MOB1B: variants seen among roughly 807,000 people sequenced by gnomAD.
MOB1B encodes MOB1 Mps One Binder homolog B.
A neutral mutation model predicts 24.4 loss-of-function variants in MOB1B; 19 were observed. That is an observed-to-expected ratio of 0.78 (90% CI 0.54 to 1.14). MOB1B has a LOEUF of 1.14. Ranked by LOEUF, MOB1B falls within the 50% of genes most tolerant of loss-of-function variation. MOB1B has a pLI of 0.00. For missense variants in MOB1B, 243 were observed against 259.6 expected, an observed-to-expected ratio of 0.94 and a Z score of 0.44; for synonymous variants, 76 against 82.1, an observed-to-expected ratio of 0.93 and a Z score of 0.40.
chr4:70,902,517 C>CA lies in MOB1B; in HGVS notation c.-19dup, dbSNP rs1735551943. ...CGAGGCCTCGCGACCGCCGAGCCTG[C>CA]AGCCTGCCCCGCGGCCAACATGAGC... On this transcript the variant is annotated 5_prime_UTR_variant, in exon 1 of 6. Transcript: ENST00000309395. The CA allele has an allele frequency of 2.6e-6, 4 of 1,562,294 alleles. No homozygotes were observed. The highest frequency in any genetic ancestry group is 3.8e-5 in the Admixed American group (2 of 52,822).
Position 70,902,508 on chromosome 4 carries a change from C to T in MOB1B, c.-29C>T. 1 of 1,559,362 alleles carries T rather than the reference C, an allele frequency of 6.4e-7. No individual in the cohort carries two copies. Among genetic ancestry groups the T allele is most frequent in the East Asian group, 2.4e-5 (1 of 41,772 alleles). ...ACGCCGCTCCGAGGCCTCGCGACCG[C>T]CGAGCCTGCAGCCTGCCCCGCGGCC... On this transcript the variant is annotated 5_prime_UTR_variant, in exon 1 of 6. Transcript: ENST00000309395.
intron 1 of MOB1B, among the ~76,000 whole-genome samples, chr4:70,940,030 C>T (rs1355134279): frequency 6.6e-6 from 1 of 152,204 alleles, no homozygotes; most frequent in Non-Finnish European, 1.5e-5. Flanking sequence ...CTGCCCAGTG[C>T]CAGCATCTGT....
At chr4:70,923,273 G>T (rs1422364153) in intron 1 of MOB1B, among the ~76,000 whole-genome samples, 1 of 152,134 alleles carries the variant, frequency 6.6e-6, no homozygotes, top group Non-Finnish European at 1.5e-5. Context: ...ATCCTCTTTG[G>T]GGAGGCTGAG....
chr4:70,928,966 A>G (rs78563176), intron 1 of MOB1B, among the ~76,000 whole-genome samples: 1,650 of 152,106 alleles, frequency 0.011, 29 homozygotes, highest in African/African-American at 0.038. Flanking sequence ...CAAGTTTCCT[A>G]TTTTCCAATG....
intron 1 of MOB1B, among the ~76,000 whole-genome samples, chr4:70,951,421 C>T (rs1737799923): frequency 6.6e-6 from 1 of 152,216 alleles, no homozygotes; most frequent in Non-Finnish European, 1.5e-5. Context: ...ATCTCTAGGA[C>T]TGAGTTGTTT....
rs76467417 is a variant in MOB1B at position 70,917,501 on chromosome 4, T to C, written c.14+14951T>C. Among the ~76,000 whole-genome samples the C allele has an allele frequency of 9.5e-3, 1,450 of 152,280 alleles. 14 individuals are homozygous for C. The highest frequency in any genetic ancestry group is 0.037 in the Middle Eastern group (11 of 294). On this transcript the variant is annotated intron_variant, in intron 1 of 5. Coordinates refer to ENST00000309395, the MANE Select transcript of MOB1B (RefSeq NM_173468.4). ...CTCAAGGATTCAAATGGGTGCACAG[T>C]TCCAAAAGTATGGAGAGAGCCCTCT... is the stretch of plus-strand genomic sequence containing the variant.
Position 70,976,212 on chromosome 4 carries a change from TA to T in MOB1B, c.409+927del, listed in dbSNP as rs536985267. ...TTTTAAATGATGAGATCAGTATATC[TA>T]GGATAGTAACAAAATCTGGCCCAAA... On this transcript the variant is annotated intron_variant, in intron 4 of 5. Transcript: ENST00000309395. 59 of 984,904 alleles carry T rather than the reference TA, an allele frequency of 6.0e-5. No homozygotes were observed. The East Asian group carries it at 6.4e-3, about 106-fold the overall frequency. The allele number at this position is 984,904 out of a possible 1,614,324, so 61.0% of individuals were successfully genotyped here. A position where few individuals can be genotyped will look rare whatever the true frequency, so the allele number is the denominator to read the frequency against.
intron 1 of MOB1B, among the ~76,000 whole-genome samples, chr4:70,939,259 C>A (rs1216484275): frequency 6.6e-6 from 1 of 152,120 alleles, no homozygotes; most frequent in Non-Finnish European, 1.5e-5. Context: ...CCACTTCCTA[C>A]TCAAAGTCAC....
chr4:70,902,633 C>A (rs909831617), intron 1 of MOB1B, 83 bp downstream of exon 1: 2 of 1,342,180 alleles, frequency 1.5e-6, no homozygotes, highest in African/African-American at 3.2e-5. Context: ...GTCGCCCGCC[C>A]TCGTCCCGAC....
chr4:70,967,420 C>T (rs1272110445), intron 2 of MOB1B, among the ~76,000 whole-genome samples: 6 of 152,052 alleles, frequency 3.9e-5, no homozygotes, highest in Admixed American at 3.3e-4. Flanking sequence ...AGGCGTGAGC[C>T]ACCGCACCCA....
chr4:70,957,434 CTTT>C (rs750809076), intron 1 of MOB1B, among the ~76,000 whole-genome samples: 4 of 141,858 alleles, frequency 2.8e-5, no homozygotes, highest in Non-Finnish European at 4.6e-5. Context: ...CTCTCTCTCT[CTTT>C]TTTTTTTTTT....
chr4:70,934,455 AT>A (rs897057249), intron 1 of MOB1B, among the ~76,000 whole-genome samples: 4 of 141,188 alleles, frequency 2.8e-5, no homozygotes, highest in Admixed American at 7.2e-5. Context: ...CTGGAATATA[AT>A]TTTTTTTTTC....
At chr4:70,923,147 C>G (rs1736503370) in intron 1 of MOB1B, among the ~76,000 whole-genome samples, 1 of 152,142 alleles carries the variant, frequency 6.6e-6, no homozygotes, top group Admixed American at 6.5e-5. Context: ...ATCCCATTTT[C>G]CCATTAAACA....
chr4:70,927,302 G>T (rs533984067), intron 1 of MOB1B, among the ~76,000 whole-genome samples: 1 of 152,294 alleles, frequency 6.6e-6, no homozygotes, highest in East Asian at 1.9e-4. Context: ...ACTTTGGGAG[G>T]CTAAGGTGGG....
intron 3 of MOB1B, among the ~76,000 whole-genome samples, chr4:70,973,469 C>CAAAAAAAAAAAAAAAAAAAAAAAAAAAAA (rs528813623): frequency 2.0e-5 from 1 of 49,424 alleles, no homozygotes. Flanking sequence ...GACCCTGTCT[C>CAAAAAAAAAAAAAAAAAAAAAAAAAAAAA]AAAAAAAAAA....
chr4:70,931,763 A>G (rs142538966), intron 1 of MOB1B, among the ~76,000 whole-genome samples: 1 of 152,162 alleles, frequency 6.6e-6, no homozygotes, highest in Non-Finnish European at 1.5e-5. Context: ...CAGAGACAGG[A>G]TGTCACTCTG....
chr4:70,929,899 C>T (rs1222484580), intron 1 of MOB1B, among the ~76,000 whole-genome samples: 1 of 152,072 alleles, frequency 6.6e-6, no homozygotes, highest in African/African-American at 2.4e-5. Flanking sequence ...TCCCTTAATA[C>T]AGCCACTGCG....
At chr4:70,972,054 T>C (rs139606077) in intron 3 of MOB1B, among the ~76,000 whole-genome samples, 1 of 151,988 alleles carries the variant, frequency 6.6e-6, no homozygotes, top group East Asian at 1.9e-4. Flanking sequence ...TCATTAGTGC[T>C]AAGAAGATGT....
intron 1 of MOB1B, among the ~76,000 whole-genome samples, chr4:70,904,728 C>T (rs1375566647): frequency 1.4e-5 from 2 of 147,496 alleles, no homozygotes; most frequent in Non-Finnish European, 3.0e-5. Context: ...CACTGCACTC[C>T]AGCCTGGGTG....
Sources: allele counts gnomAD v4.1 joint callset (sites outside exome capture counted in the v4.1 genomes callset), GRCh38; gene constraint gnomAD v4.1.1; transcripts MANE v1.5; gene names NCBI Gene and HGNC (gene_info 2026-07-23, HGNC 2026-07-21).